DOCK4: variants seen among roughly 807,000 people sequenced by gnomAD.
DOCK4 encodes dedicator of cytokinesis 4, also known as dedicator of cytokinesis protein 4.
DOCK4 carries 97 observed loss-of-function variants against 268.1 expected under a neutral mutation model. That is an observed-to-expected ratio of 0.36 (90% CI 0.31 to 0.43). The LOEUF (loss-of-function observed/expected upper bound fraction) is 0.43, where lower values mean the gene tolerates loss of function less well. Among genes scored for constraint, DOCK4 ranks in the 20% least tolerant of loss-of-function variants. The pLI is 1.00. For missense variants in DOCK4, 2,145 were observed against 2,455.7 expected (o/e 0.87, Z 2.67); for synonymous variants, 954 against 887.2 (o/e 1.08, Z -1.34).
intron 13 of DOCK4, among the ~76,000 whole-genome samples, chr7:111,908,613 T>C (rs1791815859): frequency 6.6e-6 from 1 of 152,160 alleles, no homozygotes; most frequent in Admixed American, 6.5e-5. Context: ...ACATGTGCCA[T>C]GGTGGTTTGC....
At chr7:111,811,989 A>G in intron 27 of DOCK4, 40 bp from the exon 28 acceptor site, 1 of 1,144,804 alleles carries the variant, frequency 8.7e-7, no homozygotes, top group East Asian at 2.6e-5. Context: ...ACTTCATATT[A>G]GTGAAAATCA....
intron 37 of DOCK4, among the ~76,000 whole-genome samples, chr7:111,768,033 A>C (rs1387572310): frequency 6.6e-6 from 1 of 152,192 alleles, no homozygotes. Flanking sequence ...CATAGACACA[A>C]TTAAGCATGG....
rs1048807146 is a variant in DOCK4, at chr7:111,731,302, C to T, written c.5481+924G>A. 7.2e-5 allele frequency among the ~76,000 whole-genome samples: 11 copies of T among 152,286 alleles called. No homozygotes were observed. In the East Asian group the frequency reaches 1.5e-3, roughly 21 times the overall value. ...TTTCTCAATTTCTATCAGCAACTAT[C>T]GTTAGCACCACAGATGCACTGGATC... is the stretch of plus-strand genomic sequence containing the variant. On this transcript the variant is annotated intron_variant, in intron 52 of 52. Transcript: ENST00000428084.
chr7:112,113,288 CCTGGTAAAACAG>C (rs1253161330), intron 1 of DOCK4, among the ~76,000 whole-genome samples: 1 of 151,938 alleles, frequency 6.6e-6, no homozygotes. Flanking sequence ...GAACTAGGAC[CCTGGTAAAACAG>C]CTGGGATGAG....
chr7:111,926,111 A>C (rs1416588784), intron 12 of DOCK4, among the ~76,000 whole-genome samples: 4 of 137,438 alleles, frequency 2.9e-5, no homozygotes, highest in African/African-American at 1.2e-4. Context: ...AGAGAGAGAG[A>C]GAAAGAGAAA....
rs553933056 is a variant in DOCK4 at position 112,175,109 on chromosome 7, C to T, written c.37+30993G>A. ...TGATCTCCTGACCTCGTGATCTGCC[C>T]GCCTCGGCCTCCCAAAGTGCTGGGA... On this transcript the variant is annotated intron_variant, in intron 1 of 52. Transcript: ENST00000428084. Among the ~76,000 whole-genome samples, 225 of 151,892 alleles carry T rather than the reference C, an allele frequency of 1.5e-3. 2 individuals carry two copies. The highest frequency in any genetic ancestry group is 2.9e-3 in the Non-Finnish European group (198 of 67,932).
At chr7:111,990,081 A>C (rs940697406) in intron 5 of DOCK4, among the ~76,000 whole-genome samples, 6 of 152,212 alleles carry the variant, frequency 3.9e-5, no homozygotes, top group African/African-American at 1.4e-4. Flanking sequence ...TTCATCTGTA[A>C]AACGGGTATT....
In DOCK4 at chr7:112,103,076, G is replaced by C. The variant is rs190050390; in HGVS notation, c.38-98945C>G. Among the ~76,000 whole-genome samples the C allele has an allele frequency of 1.2e-3, 179 of 152,298 alleles. 2 individuals carry two copies. The highest frequency in any genetic ancestry group is 3.0e-3 in the Admixed American group (46 of 15,298). ...ATTGACTTGTCCACATGTCTGACAT[G>C]TCTGAATTTACCTGATACTACAGAA... On this transcript the variant is annotated intron_variant, in intron 1 of 52. Coordinates refer to ENST00000428084, the MANE Select transcript of DOCK4 (RefSeq NM_001363540.2).
intron 1 of DOCK4, among the ~76,000 whole-genome samples, chr7:112,042,475 A>G (rs1290661946): frequency 6.6e-6 from 1 of 152,226 alleles, no homozygotes; most frequent in Non-Finnish European, 1.5e-5. Context: ...AAAGGTTAAT[A>G]AAAGTCTGAG....
intron 16 of DOCK4, among the ~76,000 whole-genome samples, chr7:111,882,215 C>G (rs1379925856): frequency 6.6e-6 from 1 of 151,842 alleles, no homozygotes; most frequent in East Asian, 1.9e-4. Flanking sequence ...ACTATGTACC[C>G]ACAAAAATTA....
intron 6 of DOCK4, among the ~76,000 whole-genome samples, chr7:111,988,122 T>G (rs753500264): frequency 6.6e-6 from 1 of 152,220 alleles, no homozygotes; most frequent in Non-Finnish European, 1.5e-5. Flanking sequence ...CATGGTTCAC[T>G]TCCTGTCATT....
intron 1 of DOCK4, among the ~76,000 whole-genome samples, chr7:112,093,275 C>T (rs1331770163): frequency 6.6e-6 from 1 of 152,132 alleles, no homozygotes; most frequent in African/African-American, 2.4e-5. Flanking sequence ...TTCCCACCTC[C>T]CATTCCCCAT....
intron 1 of DOCK4, among the ~76,000 whole-genome samples, chr7:112,171,181 A>C (rs1441004784): frequency 6.6e-6 from 1 of 152,200 alleles, no homozygotes; most frequent in Admixed American, 6.5e-5. Flanking sequence ...CCACATTTTC[A>C]TATCTCATTG....
chr7:112,148,926 A>G (rs1204632635), intron 1 of DOCK4, among the ~76,000 whole-genome samples: 1 of 152,204 alleles, frequency 6.6e-6, no homozygotes, highest in Non-Finnish European at 1.5e-5. Flanking sequence ...TGTGGCTACG[A>G]TAATGCGCCA....
At position 111,726,623 on chromosome 7, in the gene DOCK4, T is replaced by C. The variant is rs756251383; in HGVS notation, c.*1651A>G. The C allele has an allele frequency of 6.6e-6, 1 of 152,670 alleles. No individual in the cohort carries two copies. The highest frequency in any genetic ancestry group is 1.5e-5 in the Non-Finnish European group (1 of 68,038). The allele number at this position is 152,670 out of a possible 1,614,324, so 9.5% of individuals were successfully genotyped here. A position where few individuals can be genotyped will look rare whatever the true frequency, so the allele number is the denominator to read the frequency against. On this transcript the variant is annotated 3_prime_UTR_variant, in exon 53 of 53. Transcript: ENST00000428084. ...TCACTAAACATAAATATTTAACATA[T>C]ATTAATTTTTCCGACATTCAAAATT...
At chr7:111,985,843 A>C (rs992148591) in intron 6 of DOCK4, among the ~76,000 whole-genome samples, 2 of 152,188 alleles carry the variant, frequency 1.3e-5, no homozygotes, top group Non-Finnish European at 2.9e-5. Context: ...TCTGTTTTCC[A>C]TTCTCCATTC....
intron 16 of DOCK4, among the ~76,000 whole-genome samples, chr7:111,886,708 G>A (rs1434417917): frequency 6.6e-6 from 1 of 152,086 alleles, no homozygotes; most frequent in African/African-American, 2.4e-5. Flanking sequence ...ACGCAATGTG[G>A]GATCTTGGAA....
intron 1 of DOCK4, among the ~76,000 whole-genome samples, chr7:112,010,036 C>T (rs1461433367): frequency 1.3e-5 from 2 of 152,148 alleles, no homozygotes; most frequent in Non-Finnish European, 2.9e-5. Flanking sequence ...AGGCTGGTCT[C>T]AAACTCCTGA....
chr7:111,826,882 T>G (rs1026144460), intron 26 of DOCK4, among the ~76,000 whole-genome samples: 1 of 152,134 alleles, frequency 6.6e-6, no homozygotes, highest in Non-Finnish European at 1.5e-5. Flanking sequence ...ATCTAAAAAT[T>G]TTTTAAAATC....
Sources: gnomAD v4.1 joint callset for allele counts (sites outside exome capture counted in the v4.1 genomes callset) on GRCh38, gnomAD v4.1.1 for gene constraint, MANE v1.5 for transcripts, NCBI Gene and HGNC (gene_info 2026-07-23, HGNC 2026-07-21) for gene names.